The following DNAH12 variants were observed in gnomAD, a reference collection of about 807,000 sequenced individuals.
DNAH12 encodes axonemal beta dynein heavy chain 12.
In DNAH12, 285 loss-of-function variants were observed where a neutral mutation model predicts 371.5. The ratio of observed to expected loss-of-function variants is 0.77; its 90% CI spans 0.70 to 0.85. The LOEUF is 0.85. DNAH12 is among the 40% of genes least tolerant of loss of function. The probability of loss-of-function intolerance (pLI) is 0.00; values close to 1 mark genes in which losing one functional copy is unlikely to be tolerated. For missense variants in DNAH12, 3,611 were observed against 3,689.4 expected (o/e 0.98, Z 0.55); for synonymous variants, 1,200 against 1,213.0 (o/e 0.99, Z 0.22).
intron 40 of DNAH12, among the ~76,000 whole-genome samples, chr3:57,406,374 A>C (rs2064029099): frequency 6.7e-6 from 1 of 149,154 alleles, no homozygotes. Flanking sequence ...AAAAAAAAGA[A>C]AAAAAAAGAT....
chr3:57,421,792 G>T, intron 35 of DNAH12, 86 bp from the exon 36 acceptor site: 2 of 1,429,576 alleles, frequency 1.4e-6, no homozygotes, highest in Non-Finnish European at 1.9e-6. Flanking sequence ...AATATATTAG[G>T]ATATGCTCAA....
At chr3:57,488,416 A>T (rs900265370) in intron 12 of DNAH12, among the ~76,000 whole-genome samples, 2 of 151,734 alleles carry the variant, frequency 1.3e-5, no homozygotes, top group African/African-American at 4.8e-5. Context: ...CTGGTCTCGA[A>T]CTCCTGACCT....
At chr3:57,445,454 A>G (rs1166170775) in intron 27 of DNAH12, 35 bp from the exon 28 acceptor site, 1 of 1,428,328 alleles carries the variant, frequency 7.0e-7, no homozygotes, top group East Asian at 2.6e-5. Context: ...TATTACGTAC[A>G]TAAATGAAGC....
At position 57,314,542 on chromosome 3, in the gene DNAH12, T is replaced by C. The variant is rs765530452; in HGVS notation, c.10614A>G (p.Pro3538=). ...KKFGPLGWNI[P]YGFNESDLRI... The stretch of plus-strand genomic sequence containing the variant: ...GCAAGTCAGATTCATTAAATCCATA[T>C]GGAATATTCCAACCAAGAGGACCAA... Residue 3538 remains proline (P), a synonymous_variant, in exon 66 of 74, where the codon CCA becomes CCG. Coordinates refer to ENST00000495027, the MANE Select transcript of DNAH12 (RefSeq NM_001366028.2). 2 of 1,551,324 alleles carry C rather than the reference T, an allele frequency of 1.3e-6. No individual in the cohort carries two copies. Among genetic ancestry groups the C allele is most frequent in the Non-Finnish European group, 1.7e-6 (2 of 1,146,912 alleles).
intron 61 of DNAH12, 26 bp from the exon 62 acceptor site, chr3:57,334,635 T>C (rs2153307642): frequency 6.6e-7 from 1 of 1,524,464 alleles, no homozygotes; most frequent in East Asian, 2.5e-5. Flanking sequence ...TTAAGAATTA[T>C]TCTTTTTATT....
chr3:57,295,715 G>A lies in DNAH12; in HGVS notation c.11625-123C>T, dbSNP rs1490905751. ...ACTAGAGGCATAGAGAAAAAGAAATGTAAAAAAAGAAAATGAGAAAATGGC... is the reference window on the plus strand; with the variant it reads ...ACTAGAGGCATAGAGAAAAAGAAATATAAAAAAAGAAAATGAGAAAATGGC... On this transcript the variant is annotated intron_variant, in intron 72 of 73. Transcript: ENST00000495027. The A allele has an allele frequency of 6.4e-6, 5 of 781,988 alleles. No homozygotes were observed. In the African/African-American group the frequency reaches 8.9e-5, roughly 14 times the overall value. 48.4% of individuals were successfully genotyped at this position (781,988 alleles called of 1,614,324 possible). A position where few individuals can be genotyped will look rare whatever the true frequency, so the allele number is the denominator to read the frequency against.
chr3:57,362,256 C>T (rs2062954069), intron 58 of DNAH12, among the ~76,000 whole-genome samples: 2 of 152,166 alleles, frequency 1.3e-5, no homozygotes, highest in South Asian at 4.1e-4. Flanking sequence ...TTTCTTAATC[C>T]AGTCTATCAT....
chr3:57,520,849 C>T (rs909900011), intron 4 of DNAH12, among the ~76,000 whole-genome samples: 5 of 151,952 alleles, frequency 3.3e-5, no homozygotes, highest in Admixed American at 6.6e-5. Flanking sequence ...TGAATATTTT[C>T]TCCCAGTGTG....
intron 25 of DNAH12, among the ~76,000 whole-genome samples, chr3:57,447,144 C>T (rs1434678854): frequency 6.6e-6 from 1 of 152,196 alleles, no homozygotes; most frequent in Non-Finnish European, 1.5e-5. Context: ...TACGATTTGC[C>T]TGGCTATTGC....
chr3:57,437,089 A>G, intron 29 of DNAH12, 29 bp from the exon 30 acceptor site: 2 of 1,382,222 alleles, frequency 1.4e-6, no homozygotes, highest in Non-Finnish European at 2.0e-6. Context: ...ATGCATTTCT[A>G]CAACACAATA....
intron 11 of DNAH12, chr3:57,493,625 AAC>A (rs1310885117): frequency 2.0e-5 from 3 of 152,170 alleles, no homozygotes; most frequent in African/African-American, 7.2e-5. Flanking sequence ...ATTAGAAAAA[AAC>A]ACATAGTCGT....
chr3:57,304,866 C>T (rs1041415045), intron 69 of DNAH12, among the ~76,000 whole-genome samples: 7 of 152,132 alleles, frequency 4.6e-5, no homozygotes, highest in South Asian at 4.2e-4. Context: ...GGGGCAAGCA[C>T]CCCCCACCCC....
At chr3:57,409,758 C>A (rs1030178277) in intron 39 of DNAH12, among the ~76,000 whole-genome samples, 1 of 152,200 alleles carries the variant, frequency 6.6e-6, no homozygotes, top group East Asian at 1.9e-4. Context: ...AGATAAAAAT[C>A]ATGGCATACT....
At chr3:57,330,767 C>T (rs1000687997) in intron 62 of DNAH12, among the ~76,000 whole-genome samples, 10 of 151,368 alleles carry the variant, frequency 6.6e-5, no homozygotes, top group African/African-American at 2.4e-4. Flanking sequence ...GGAAGAGGAC[C>T]TTTTGCCAGC....
At chr3:57,457,380 T>G (rs1274029538) in intron 22 of DNAH12, among the ~76,000 whole-genome samples, 1 of 152,200 alleles carries the variant, frequency 6.6e-6, no homozygotes, top group African/African-American at 2.4e-5. Context: ...GATACCTAGA[T>G]GCTCTCTCAC....
chr3:57,358,472 T>C (rs1335313502), intron 58 of DNAH12, among the ~76,000 whole-genome samples: 2 of 152,194 alleles, frequency 1.3e-5, no homozygotes, highest in Non-Finnish European at 2.9e-5. Flanking sequence ...GTATGTCCTA[T>C]AATTGAGAAA....
intron 13 of DNAH12, among the ~76,000 whole-genome samples, chr3:57,482,895 G>A (rs566594773): frequency 3.6e-5 from 5 of 137,600 alleles, no homozygotes; most frequent in Non-Finnish European, 7.8e-5. Flanking sequence ...ACACAGGAAG[G>A]GGAACATCAC....
At chr3:57,477,536 C>A (rs1276182557) in intron 13 of DNAH12, among the ~76,000 whole-genome samples, 1 of 152,178 alleles carries the variant, frequency 6.6e-6, no homozygotes, top group Non-Finnish European at 1.5e-5. Context: ...GAATCCTCTG[C>A]AGACTTAAAT....
At chr3:57,297,695 C>T (rs908336553) in intron 70 of DNAH12, among the ~76,000 whole-genome samples, 2 of 152,120 alleles carry the variant, frequency 1.3e-5, no homozygotes, top group Non-Finnish European at 2.9e-5. Flanking sequence ...GTCTCTGTGT[C>T]CACTGCCCTC....
Sources: gnomAD v4.1 joint callset for allele counts (sites outside exome capture counted in the v4.1 genomes callset) on GRCh38, gnomAD v4.1.1 for gene constraint, MANE v1.5 for transcripts, NCBI Gene and HGNC (gene_info 2026-07-23, HGNC 2026-07-21) for gene names.